The following DERA variants were observed in gnomAD, a reference collection of about 807,000 sequenced individuals.
The protein encoded by DERA is deoxyribose-phosphate aldolase.
In DERA, 15 loss-of-function variants were observed where a neutral mutation model predicts 41.1. The observed-to-expected ratio is 0.37, with a 90% CI of 0.24 to 0.56. The LOEUF is 0.56. DERA is among the 20% of genes least tolerant of loss of function. DERA has a pLI of 0.81. For missense variants in DERA, 396 were observed against 403.4 expected (o/e 0.98, Z 0.16); for synonymous variants, 139 against 137.4 (o/e 1.01, Z -0.08).
rs898847803 is a variant in DERA, at chr12:15,941,804, G to A, written c.32-15132G>A. Among the ~76,000 whole-genome samples, 99 of 152,158 alleles carry A rather than the reference G, an allele frequency of 6.5e-4. No homozygotes were observed. Among genetic ancestry groups the A allele is most frequent in the Non-Finnish European group, 2.4e-4 (16 of 68,026 alleles). ...GCACTTAGGTTGATTCCGTATCTTT[G>A]CATTTGCAAAATGTGCTGCAATAAA... On this transcript the variant is annotated intron_variant, in intron 1 of 8. Coordinates refer to ENST00000428559, the MANE Select transcript of DERA (RefSeq NM_015954.4). The surrounding 1 kb of genome is among the most constrained non-coding windows in gnomAD (Gnocchi z 4.5).
chr12:15,980,555 T>C lies in DERA; in HGVS notation c.509-1753T>C, dbSNP rs78932365. Among the ~76,000 whole-genome samples, 153 of 152,270 alleles carry C rather than the reference T, an allele frequency of 1.0e-3. 1 individual carries two copies. The East Asian group carries it at 0.024, about 24-fold the overall frequency. On this transcript the variant is annotated intron_variant, in intron 5 of 8. Coordinates refer to ENST00000428559, the MANE Select transcript of DERA (RefSeq NM_015954.4). ...GAATATAATTTTTTTTTTCGCTCCATAGTCTATTACTATTTTTAACATTCT... is the reference window on the plus strand; with the variant it reads ...GAATATAATTTTTTTTTTCGCTCCACAGTCTATTACTATTTTTAACATTCT...
chr12:15,956,943 C>G lies in DERA; in HGVS notation c.39C>G (p.Ser13Arg), dbSNP rs1948544218. The change falls in exon 2 of 9, where the codon AGC becomes AGG. Residue 13 changes from serine (S) to arginine (R), a missense_variant. Ser to Arg is a moderately radical substitution (Grantham distance 110, BLOSUM62 -1). Transcript: ENST00000428559. ...TTTTTCTGTCTGTTTTAGACCTTAG[C>G]TGGATCTCCAAAATACAAGTGAATC... ...AHNRGTELDL[S>R]WISKIQVNHP... 1 of 1,613,526 alleles carries G rather than the reference C, an allele frequency of 6.2e-7. No homozygotes were observed. The highest frequency in any genetic ancestry group is 1.3e-5 in the African/African-American group (1 of 75,040).
rs145518839 is a variant in DERA at position 15,982,784 on chromosome 12, A to T, written c.637+348A>T. Among the ~76,000 whole-genome samples, 2 of 152,330 alleles carry T rather than the reference A, an allele frequency of 1.3e-5. No individual in the cohort carries two copies. Among genetic ancestry groups the T allele is most frequent in the East Asian group, 3.9e-4 (2 of 5,188 alleles). ...TTTGACTTACTCCTCTCTGAATTTA[A>T]GCTTTTCATTTATCTCAGAGATATA... On this transcript the variant is annotated intron_variant, in intron 6 of 8. Transcript: ENST00000428559. The surrounding 1 kb of genome is among the most constrained non-coding windows in gnomAD (Gnocchi z 4.0).
rs893414113 is a variant in DERA, at chr12:15,935,735, G to A, written c.32-21201G>A. On this transcript the variant is annotated intron_variant, in intron 1 of 8. Coordinates refer to ENST00000428559, the MANE Select transcript of DERA (RefSeq NM_015954.4). This position sits in a 1 kb window ranked among gnomAD's most constrained non-coding sequence, Gnocchi z 4.8. ...TCATATTGGTTTCTATATGTTGTTT[G>A]TTGTTGTGTAATATATTACTCCAAA... 6.6e-6 allele frequency among the ~76,000 whole-genome samples: 1 copy of A among 152,110 alleles called. No homozygotes were observed. The highest frequency in any genetic ancestry group is 1.5e-5 in the Non-Finnish European group (1 of 68,024).
intron 6 of DERA, among the ~76,000 whole-genome samples, chr12:15,986,474 T>C (rs1054222979): frequency 2.0e-5 from 3 of 152,240 alleles, no homozygotes; most frequent in Non-Finnish European, 4.4e-5. Context: ...GCTTTTTATC[T>C]ACAGACTCTT....
In DERA at chr12:16,017,208, G is replaced by T. The variant is rs1358762627; in HGVS notation, c.638-15334G>T. Among the ~76,000 whole-genome samples, 1 of 152,128 alleles carries T rather than the reference G, an allele frequency of 6.6e-6. No individual in the cohort carries two copies. The highest frequency in any genetic ancestry group is 1.5e-5 in the Non-Finnish European group (1 of 68,028). Reference sequence around the variant, plus strand: ...ATCATAAGATCATCTTTCCTTTGGGGCATTGGAGATATTTTCCAACCCTAA... The same window carrying T: ...ATCATAAGATCATCTTTCCTTTGGGTCATTGGAGATATTTTCCAACCCTAA... On this transcript the variant is annotated intron_variant, in intron 6 of 8. Coordinates refer to ENST00000428559, the MANE Select transcript of DERA (RefSeq NM_015954.4). The surrounding 1 kb of genome is among the most constrained non-coding windows in gnomAD (Gnocchi z 5.5).
chr12:16,029,017 T>C (rs1220945641), intron 6 of DERA, among the ~76,000 whole-genome samples: 1 of 152,216 alleles, frequency 6.6e-6, no homozygotes, highest in Non-Finnish European at 1.5e-5. Flanking sequence ...GTTACAAATG[T>C]ACCATAATTA....
chr12:15,983,299 G>A lies in DERA; in HGVS notation c.637+863G>A. ...CATTCCTTGATTCTTATTTTAAAAAGGTCCTTCCTAAGACCCTGGCTGTGC... is the reference window on the plus strand; with the variant it reads ...CATTCCTTGATTCTTATTTTAAAAAAGTCCTTCCTAAGACCCTGGCTGTGC... On this transcript the variant is annotated intron_variant, in intron 6 of 8. Coordinates refer to ENST00000428559, the MANE Select transcript of DERA (RefSeq NM_015954.4). The surrounding 1 kb of genome is among the most constrained non-coding windows in gnomAD (Gnocchi z 6.2). Among the ~76,000 whole-genome samples the A allele has an allele frequency of 6.6e-6, 1 of 152,010 alleles. No homozygotes were observed. The highest frequency in any genetic ancestry group is 1.5e-5 in the Non-Finnish European group (1 of 67,992).
intron 6 of DERA, among the ~76,000 whole-genome samples, chr12:16,018,342 A>T (rs1214240799): frequency 6.6e-6 from 1 of 152,188 alleles, no homozygotes; most frequent in African/African-American, 2.4e-5. Context: ...TCATTATTGC[A>T]GTCTGCATTT....
rs2136183629 is a variant in DERA at position 16,019,114 on chromosome 12, T to A, written c.638-13428T>A. ...GTAGCATTTATTTCTCTAAAGTAAT[T>A]TCGTTTTAGCAGAAGGGCAAAGGAA... is the stretch of plus-strand genomic sequence containing the variant. On this transcript the variant is annotated intron_variant, in intron 6 of 8. Coordinates refer to ENST00000428559, the MANE Select transcript of DERA (RefSeq NM_015954.4). The surrounding 1 kb of genome is among the most constrained non-coding windows in gnomAD (Gnocchi z 4.4). Among the ~76,000 whole-genome samples the A allele has an allele frequency of 6.6e-6, 1 of 152,258 alleles. No individual in the cohort carries two copies. The highest frequency in any genetic ancestry group is 2.1e-4 in the South Asian group (1 of 4,820).
intron 5 of DERA, among the ~76,000 whole-genome samples, chr12:15,980,162 A>T (rs1480468312): frequency 6.6e-6 from 1 of 152,212 alleles, no homozygotes; most frequent in East Asian, 1.9e-4. Context: ...TGCTTATAAC[A>T]TGTCAGGCAG....
rs1317774281 is a variant in DERA, at chr12:16,017,749, G to C, written c.638-14793G>C. Among the ~76,000 whole-genome samples, 2 of 152,194 alleles carry C rather than the reference G, an allele frequency of 1.3e-5. No homozygotes were observed. Among genetic ancestry groups the C allele is most frequent in the Admixed American group, 1.3e-4 (2 of 15,276 alleles). ...CATTGCAGATTGCAAGTATAAGTTA[G>C]TGTCGGAATTACCATACGAAACTCT... On this transcript the variant is annotated intron_variant, in intron 6 of 8. Transcript: ENST00000428559. This position sits in a 1 kb window ranked among gnomAD's most constrained non-coding sequence, Gnocchi z 5.5.
chr12:15,994,602 T>C lies in DERA; in HGVS notation c.637+12166T>C, dbSNP rs902618862. On this transcript the variant is annotated intron_variant, in intron 6 of 8. Coordinates refer to ENST00000428559, the MANE Select transcript of DERA (RefSeq NM_015954.4). The surrounding 1 kb of genome is among the most constrained non-coding windows in gnomAD (Gnocchi z 4.8). ...CTGAATAGCTGGGACTACAGGCGCC[T>C]GCAACCACGCCTGGCTAATTTTTTG... Among the ~76,000 whole-genome samples, 2 of 152,138 alleles carry C rather than the reference T, an allele frequency of 1.3e-5. No homozygotes were observed. Among genetic ancestry groups the C allele is most frequent in the Non-Finnish European group, 1.5e-5 (1 of 68,020 alleles).
At position 15,994,692 on chromosome 12, in the gene DERA, A is replaced by C. The variant is rs7136753; in HGVS notation, c.637+12256A>C. Among the ~76,000 whole-genome samples the C allele has an allele frequency of 6.9e-3, 1,043 of 152,244 alleles. 18 individuals carry two copies. The highest frequency in any genetic ancestry group is 0.024 in the African/African-American group (978 of 41,540). ...ATGGTCTCGATCTCCTGACCTCGCG[A>C]TCCACCCACCTCGGCCTCCCAAAGT... On this transcript the variant is annotated intron_variant, in intron 6 of 8. Transcript: ENST00000428559. This position sits in a 1 kb window ranked among gnomAD's most constrained non-coding sequence, Gnocchi z 4.8.
Position 15,970,294 on chromosome 12 carries a change from A to C in DERA, c.508+7347A>C, listed in dbSNP as rs900052949. ...ATATGTTCGTTAACAATTATTTTTA[A>C]GTGCCTTTGAATAGCAGGAAATATA... On this transcript the variant is annotated intron_variant, in intron 5 of 8. Transcript: ENST00000428559. The surrounding 1 kb of genome is among the most constrained non-coding windows in gnomAD (Gnocchi z 4.3). Among the ~76,000 whole-genome samples the C allele has an allele frequency of 6.6e-6, 1 of 152,240 alleles. No homozygotes were observed. Among genetic ancestry groups the C allele is most frequent in the Non-Finnish European group, 1.5e-5 (1 of 68,042 alleles).
rs996717078 is a variant in DERA, at chr12:15,988,819, C to G, written c.637+6383C>G. On this transcript the variant is annotated intron_variant, in intron 6 of 8. Transcript: ENST00000428559. The surrounding 1 kb of genome is among the most constrained non-coding windows in gnomAD (Gnocchi z 6.0). ...CACCCAGGCTATTCACACTGAGGGGCGCCTGCAGACCCACACCAAGCTGCC... is the reference window on the plus strand; with the variant it reads ...CACCCAGGCTATTCACACTGAGGGGGGCCTGCAGACCCACACCAAGCTGCC... Among the ~76,000 whole-genome samples, 7 of 152,120 alleles carry G rather than the reference C, an allele frequency of 4.6e-5. No individual in the cohort carries two copies. The highest frequency in any genetic ancestry group is 1.4e-4 in the African/African-American group (6 of 41,426).
At chr12:15,962,990 C>A in intron 5 of DERA, 43 bp downstream of exon 5, 2 of 1,580,822 alleles carry the variant, frequency 1.3e-6, no homozygotes, top group East Asian at 2.3e-5. Context: ...CCATTCTTCC[C>A]TGGTGAATCA....
intron 6 of DERA, among the ~76,000 whole-genome samples, chr12:16,025,865 A>G (rs752718659): frequency 3.3e-5 from 5 of 152,126 alleles, no homozygotes; most frequent in Non-Finnish European, 7.4e-5. Context: ...TCAGACCACA[A>G]TGGTACTAAG....
Position 15,984,258 on chromosome 12 carries a change from C to G in DERA, c.637+1822C>G, listed in dbSNP as rs1240237937. On this transcript the variant is annotated intron_variant, in intron 6 of 8. Transcript: ENST00000428559. This position sits in a 1 kb window ranked among gnomAD's most constrained non-coding sequence, Gnocchi z 4.5. ...GTATTCATTCTGGGAGGTCAGCCAACCCTGTCCTACGCACAGCACCTACTA... is the reference window on the plus strand; with the variant it reads ...GTATTCATTCTGGGAGGTCAGCCAAGCCTGTCCTACGCACAGCACCTACTA... Among the ~76,000 whole-genome samples the G allele has an allele frequency of 6.6e-6, 1 of 152,170 alleles. No homozygotes were observed. The highest frequency in any genetic ancestry group is 1.5e-5 in the Non-Finnish European group (1 of 68,038).
Sources: gnomAD v4.1 joint callset for allele counts (sites outside exome capture counted in the v4.1 genomes callset) on GRCh38, gnomAD v4.1.1 for gene constraint, Gnocchi (gnomAD v3.1) non-coding constraint, MANE v1.5 for transcripts, NCBI Gene and HGNC (gene_info 2026-07-23, HGNC 2026-07-21) for gene names.